The following ANAPC7 variants were observed in gnomAD, a reference collection of about 807,000 sequenced individuals.
The protein encoded by ANAPC7 is anaphase promoting complex subunit 7.
A neutral mutation model predicts 63.3 loss-of-function variants in ANAPC7; 25 were observed. The observed-to-expected ratio is 0.39, with a 90% CI of 0.29 to 0.55. The LOEUF (loss-of-function observed/expected upper bound fraction) is 0.55, where lower values mean the gene tolerates loss of function less well. ANAPC7 is among the 20% of genes least tolerant of loss of function. ANAPC7 has a pLI of 0.57. For missense variants in ANAPC7, 516 were observed against 691.7 expected (o/e 0.75, Z 2.85); for synonymous variants, 241 against 251.7 (o/e 0.96, Z 0.40).
chr12:110,391,624 A>G (rs569455963), intron 3 of ANAPC7, among the ~76,000 whole-genome samples: 4 of 152,190 alleles, frequency 2.6e-5, no homozygotes, highest in Non-Finnish European at 5.9e-5. Context: ...GCAGACTCAT[A>G]CAGGTGCTCT....
intron 10 of ANAPC7, chr12:110,375,858 G>A (rs776706760): frequency 7.8e-7 from 1 of 1,276,218 alleles, no homozygotes; most frequent in Non-Finnish European, 9.9e-7. Context: ...GGTTATGAGT[G>A]AAACAGTTCT....
At chr12:110,375,219 C>A (rs1881154648) in intron 10 of ANAPC7, among the ~76,000 whole-genome samples, 1 of 152,168 alleles carries the variant, frequency 6.6e-6, no homozygotes, top group South Asian at 2.1e-4. Context: ...ATACCCAGGG[C>A]TCCTGCCCTC....
chr12:110,388,039 A>G (rs772055770), intron 4 of ANAPC7, 147 bp from the exon 5 acceptor site: 9 of 875,270 alleles, frequency 1.0e-5, no homozygotes, highest in Non-Finnish European at 1.5e-5. Flanking sequence ...ATAATTTAGT[A>G]TTTCTTTTCT....
Position 110,373,648 on chromosome 12 carries a change from T to C in ANAPC7, c.*496A>G, listed in dbSNP as rs1881004839. ...CTGTCAGCTTAAGGCATTACTAACA[T>C]TGCAGAAGGAAGCAAGATTTACTAG... On this transcript the variant is annotated 3_prime_UTR_variant, in exon 11 of 11. Coordinates refer to ENST00000455511, the MANE Select transcript of ANAPC7 (RefSeq NM_016238.3). The C allele has an allele frequency of 6.5e-6, 1 of 153,038 alleles. No individual in the cohort carries two copies. Among genetic ancestry groups the C allele is most frequent in the African/African-American group, 2.4e-5 (1 of 41,490 alleles). The allele number at this position is 153,038 out of a possible 1,614,324, so 9.5% of individuals were successfully genotyped here. A position where few individuals can be genotyped will look rare whatever the true frequency, so the allele number is the denominator to read the frequency against.
intron 3 of ANAPC7, among the ~76,000 whole-genome samples, chr12:110,393,829 T>C (rs960537117): frequency 1.5e-5 from 2 of 137,602 alleles, no homozygotes; most frequent in South Asian, 2.3e-4. Context: ...ATTGCACCAT[T>C]GCACTCCAGC....
At chr12:110,383,803 G>C (rs1882167764) in intron 6 of ANAPC7, among the ~76,000 whole-genome samples, 1 of 146,616 alleles carries the variant, frequency 6.8e-6, no homozygotes, top group African/African-American at 2.5e-5. Context: ...TTGAATCAGG[G>C]AGGCGGAGGT....
At chr12:110,401,916 G>A (rs1333607459) in intron 1 of ANAPC7, among the ~76,000 whole-genome samples, 1 of 135,518 alleles carries the variant, frequency 7.4e-6, no homozygotes, top group African/African-American at 2.8e-5. Context: ...GAAGCTTGCA[G>A]TGAGCCAAGA....
rs1053357332 is a variant in ANAPC7, at chr12:110,373,101, C to T, written c.*1043G>A. On this transcript the variant is annotated 3_prime_UTR_variant, in exon 11 of 11. Coordinates refer to ENST00000455511, the MANE Select transcript of ANAPC7 (RefSeq NM_016238.3). ...CGATTAATTGTATACTCAGAGCCAT[C>T]GCAACTTAAGGCACAAGGGAGAGGG... 7.2e-5 allele frequency: 11 copies of T among 152,070 alleles called. No individual in the cohort carries two copies. Among genetic ancestry groups the T allele is most frequent in the African/African-American group, 1.9e-4 (8 of 41,360 alleles). The allele number at this position is 152,070 out of a possible 1,614,324, so 9.4% of individuals were successfully genotyped here.
chr12:110,388,750 G>C, intron 3 of ANAPC7, 127 bp from the exon 4 acceptor site: 1 of 699,114 alleles, frequency 1.4e-6, no homozygotes, highest in Non-Finnish European at 2.4e-6. Context: ...CCACAACCCT[G>C]TGCAAATAAA....
chr12:110,387,967 C>T, intron 4 of ANAPC7, 75 bp from the exon 5 acceptor site: 3 of 1,525,518 alleles, frequency 2.0e-6, no homozygotes, highest in Non-Finnish European at 2.7e-6. Flanking sequence ...CAACGGGCTA[C>T]ATCTTCCCTT....
At chr12:110,382,464 ATATATAT>A (rs1882010399) in intron 7 of ANAPC7, among the ~76,000 whole-genome samples, 2 of 80,712 alleles carry the variant, frequency 2.5e-5, no homozygotes, top group East Asian at 6.3e-4. Flanking sequence ...AAAAAAAAAT[ATATATAT>A]ATATATATAT....
At chr12:110,400,885 A>T (rs923185098) in intron 1 of ANAPC7, among the ~76,000 whole-genome samples, 10 of 136,206 alleles carry the variant, frequency 7.3e-5, no homozygotes, top group African/African-American at 1.7e-4. Context: ...CATCTCTATT[A>T]AAAAAAAAAA....
At chr12:110,386,502 A>C (rs1566267905) in intron 5 of ANAPC7, 33 bp from the exon 6 acceptor site, 1 of 1,561,196 alleles carries the variant, frequency 6.4e-7, no homozygotes, top group Non-Finnish European at 8.8e-7. Flanking sequence ...TGAACCTTTA[A>C]ATCTATTATA....
Position 110,373,946 on chromosome 12 carries a change from G to A in ANAPC7, c.*198C>T. ...CTCCCTGGCTGGAGCAGGGGAGGAT[G>A]GAGATACATGGAAGGTTGGTCAGGC... is the stretch of plus-strand genomic sequence containing the variant. On this transcript the variant is annotated 3_prime_UTR_variant, in exon 11 of 11. Coordinates refer to ENST00000455511, the MANE Select transcript of ANAPC7 (RefSeq NM_016238.3). The A allele has an allele frequency of 1.9e-6, 1 of 535,028 alleles. No individual in the cohort carries two copies. The highest frequency in any genetic ancestry group is 3.1e-6 in the Non-Finnish European group (1 of 323,308). 33.1% of individuals were successfully genotyped at this position (535,028 alleles called of 1,614,324 possible). A position where few individuals can be genotyped will look rare whatever the true frequency, so the allele number is the denominator to read the frequency against.
At chr12:110,379,524 G>A (rs914973026) in intron 8 of ANAPC7, among the ~76,000 whole-genome samples, 6 of 152,236 alleles carry the variant, frequency 3.9e-5, no homozygotes, top group Admixed American at 3.3e-4. Context: ...ATTAACAGCA[G>A]CTGGGAAGAC....
chr12:110,380,574 C>T (rs375392456), intron 8 of ANAPC7, among the ~76,000 whole-genome samples: 207 of 150,870 alleles, frequency 1.4e-3, no homozygotes, highest in African/African-American at 5.0e-3. Flanking sequence ...TGGTTTGAAC[C>T]CGGAAGGTGG....
intron 6 of ANAPC7, among the ~76,000 whole-genome samples, chr12:110,384,884 C>A (rs187752065): frequency 6.6e-6 from 1 of 152,290 alleles, no homozygotes; most frequent in East Asian, 1.9e-4. Flanking sequence ...CAGAAATACA[C>A]TGCTGAAAAG....
chr12:110,386,121 GA>G (rs1260872704), intron 6 of ANAPC7, among the ~76,000 whole-genome samples: 1 of 152,108 alleles, frequency 6.6e-6, no homozygotes, highest in Non-Finnish European at 1.5e-5. Context: ...GAAGACACTT[GA>G]ATTCAAGCAA....
rs1173016525 is a variant in ANAPC7, at chr12:110,382,897, C to T, written c.881G>A (p.Gly294Glu). ...EGRLEDVENL[G>E]CRLFNISDQH... ...ATCAGAGATATTGAAAAGGCGGCAT[C>T]CAAGGTTCTCAACATCCTCTAGCCG... is the stretch of plus-strand genomic sequence containing the variant. Residue 294 changes from glycine (G) to glutamate (E), a missense_variant, in exon 7 of 11, where the codon GGA becomes GAA. This residue lies in a region of ANAPC7 where 199 missense variants were observed against 249.3 expected (regional missense o/e 0.80). Transcript: ENST00000455511. The T allele has an allele frequency of 6.2e-7, 1 of 1,613,958 alleles. No individual in the cohort carries two copies. The highest frequency in any genetic ancestry group is 8.5e-7 in the Non-Finnish European group (1 of 1,179,912).
Sources: gnomAD v4.1 joint callset for allele counts (sites outside exome capture counted in the v4.1 genomes callset) on GRCh38, gnomAD v4.1.1 for gene constraint, gnomAD v4.1.1 regional missense constraint, MANE v1.5 for transcripts, NCBI Gene and HGNC (gene_info 2026-07-23, HGNC 2026-07-21) for gene names.